The following ZNF469 variants were observed in gnomAD, a reference collection of about 807,000 sequenced individuals.
ZNF469 encodes the protein zinc finger protein 469.
In ZNF469, 1 loss-of-function variant was observed where a neutral mutation model predicts 1.0. That is an observed-to-expected ratio of 1.00 (90% CI 0.35 to 4.73). The LOEUF (loss-of-function observed/expected upper bound fraction) is 4.73, where lower values mean the gene tolerates loss of function less well. Ranked by LOEUF, ZNF469 falls within the 30% of genes most tolerant of loss-of-function variation. ZNF469 has a pLI of 0.16. For synonymous variants in ZNF469, 2,703 were observed against 2,363.4 expected (o/e 1.14, Z -4.17); for missense variants, 6,100 against 5,356.3 (o/e 1.14, Z -4.33).
upstream of ZNF469, among the ~76,000 whole-genome samples, chr16:88,382,277 T>C (rs4782511): frequency 0.49 from 74,334 of 152,204 alleles, 18,568 homozygotes; most frequent in Non-Finnish European, 0.54. Flanking sequence ...GGCAGGTTCC[T>C]TGTCTTCTTC....
chr16:88,352,476 G>A, the ZNF469 span, among the ~76,000 whole-genome samples: 1 of 152,246 alleles, frequency 6.6e-6, no homozygotes, highest in South Asian at 2.1e-4. Context: ...GCATGGTGCT[G>A]ACGGGCACGG....
rs1487533910 is a variant in ZNF469, at chr16:88,430,159, G to C, written c.2689G>C (p.Ala897Pro). ...SKAGVTPESK[A>P]PPPLPAATPD... ...GGCGGGGGTGACTCCAGAGAGCAAA[G>C]CTCCGCCCCCGCTCCCAGCAGCCAC... The change falls in exon 3 of 3, where the codon GCT becomes CCT. Residue 897 changes from alanine (A) to proline (P), a missense_variant. Physicochemically the swap from Ala to Pro is conservative, Grantham distance 27. Coordinates refer to ENST00000565624, the MANE Select transcript of ZNF469 (RefSeq NM_001367624.2). 1 of 1,549,376 alleles carries C rather than the reference G, an allele frequency of 6.5e-7. No individual in the cohort carries two copies. The highest frequency in any genetic ancestry group is 1.4e-5 in the African/African-American group (1 of 73,018).
At chr16:88,342,096 G>C in the ZNF469 span, among the ~76,000 whole-genome samples, 1 of 150,908 alleles carries the variant, frequency 6.6e-6, no homozygotes, top group African/African-American at 2.4e-5. Flanking sequence ...TGGGGACGAA[G>C]AAGGCCGGTG....
In ZNF469 at chr16:88,430,626, G is replaced by A. The variant is rs1241797678; in HGVS notation, c.3156G>A (p.Leu1052=). ...GCGCCTGGGGCAAGGAGCTCATTCTGAAGATCGTGCAGCAGAAGAACAGGC... is the reference window on the plus strand; with the variant it reads ...GCGCCTGGGGCAAGGAGCTCATTCTAAAGATCGTGCAGCAGAAGAACAGGC... The part of the protein sequence containing the change: ...RGGAWGKELI[L]KIVQQKNRRH... Residue 1052 remains leucine, a synonymous_variant, in exon 3 of 3, where the codon CTG becomes CTA. Transcript: ENST00000565624. 8.0e-6 allele frequency: 12 copies of A among 1,500,206 alleles called. No individual in the cohort carries two copies. The highest frequency in any genetic ancestry group is 1.4e-5 in the African/African-American group (1 of 69,036). The allele number at this position is 1,500,206 out of a possible 1,614,324, so 92.9% of individuals were successfully genotyped here. A position where few individuals can be genotyped will look rare whatever the true frequency, so the allele number is the denominator to read the frequency against.
chr16:88,393,120 G>A (rs539955041), intron 1 of ZNF469, among the ~76,000 whole-genome samples: 7 of 152,388 alleles, frequency 4.6e-5, no homozygotes, highest in African/African-American at 1.7e-4. Flanking sequence ...TGGGCACCAC[G>A]CGGCTGGCAG....
chr16:88,427,348 C>A lies in ZNF469; in HGVS notation c.-123C>A. 1 of 1,056,606 alleles carries A rather than the reference C, an allele frequency of 9.5e-7. No individual in the cohort carries two copies. Among genetic ancestry groups the A allele is most frequent in the Non-Finnish European group, 1.3e-6 (1 of 766,094 alleles). The allele number at this position is 1,056,606 out of a possible 1,614,324, so 65.5% of individuals were successfully genotyped here. A position where few individuals can be genotyped will look rare whatever the true frequency, so the allele number is the denominator to read the frequency against. On this transcript the variant is annotated 5_prime_UTR_variant, in exon 3 of 3. Transcript: ENST00000565624. The stretch of plus-strand genomic sequence containing the variant: ...CACCCCTGACCTTTCCTTCCAGGCT[C>A]CACTCAGGACCATGAGCGCAGGCTT...
chr16:88,402,750 A>G (rs1375152726), intron 1 of ZNF469, among the ~76,000 whole-genome samples: 1 of 152,164 alleles, frequency 6.6e-6, no homozygotes, highest in Non-Finnish European at 1.5e-5. Context: ...TCTGGACATT[A>G]TTCCTCCGGT....
chr16:88,125,789 A>G, the ZNF469 span, among the ~76,000 whole-genome samples: 2 of 152,212 alleles, frequency 1.3e-5, no homozygotes. Flanking sequence ...GTATTTTTTA[A>G]AAATTTAAAT....
the ZNF469 span, among the ~76,000 whole-genome samples, chr16:88,309,358 G>A: frequency 1.3e-5 from 2 of 152,186 alleles, no homozygotes; most frequent in African/African-American, 2.4e-5. Flanking sequence ...CACCTGACGG[G>A]GGGAGTGCCC....
the ZNF469 span, among the ~76,000 whole-genome samples, chr16:88,287,475 C>A: frequency 1.3e-5 from 2 of 152,266 alleles, no homozygotes; most frequent in African/African-American, 4.8e-5. Flanking sequence ...GGGGAGACAA[C>A]AGCTCCAAGT....
chr16:88,305,325 C>G, the ZNF469 span, among the ~76,000 whole-genome samples: 5 of 147,296 alleles, frequency 3.4e-5, no homozygotes, highest in African/African-American at 1.3e-4. Context: ...CACACACAGG[C>G]ACACACGCAC....
chr16:88,337,756 G>A, the ZNF469 span, among the ~76,000 whole-genome samples: 2 of 152,214 alleles, frequency 1.3e-5, no homozygotes. Flanking sequence ...TTTCCCTGGT[G>A]GCTGATGGTG....
the ZNF469 span, among the ~76,000 whole-genome samples, chr16:88,263,732 C>T: frequency 1.3e-5 from 2 of 152,140 alleles, no homozygotes; most frequent in Non-Finnish European, 2.9e-5. Flanking sequence ...GATGGACAGA[C>T]TTTGTGGGAA....
At chr16:88,153,567 T>C in the ZNF469 span, among the ~76,000 whole-genome samples, 1 of 152,354 alleles carries the variant, frequency 6.6e-6, no homozygotes, top group Admixed American at 6.5e-5. Context: ...AAATGGCACG[T>C]GCAGGCGAGA....
intron 1 of ZNF469, among the ~76,000 whole-genome samples, chr16:88,414,406 T>G (rs914435994): frequency 2.0e-5 from 3 of 152,196 alleles, no homozygotes; most frequent in African/African-American, 7.2e-5. Flanking sequence ...CACAGTCTCG[T>G]TACCTCCACC....
upstream of ZNF469, among the ~76,000 whole-genome samples, chr16:88,382,647 T>C (rs1275672801): frequency 6.6e-6 from 1 of 152,128 alleles, no homozygotes; most frequent in East Asian, 1.9e-4. Context: ...TGTGGGCACC[T>C]GGGGAGCTGG....
At chr16:88,322,730 A>G in the ZNF469 span, among the ~76,000 whole-genome samples, 2 of 152,294 alleles carry the variant, frequency 1.3e-5, no homozygotes, top group East Asian at 3.9e-4. Flanking sequence ...CAGGAAATGC[A>G]TGAAGGTTGC....
Position 88,437,816 on chromosome 16 carries a change from C to T in ZNF469, c.10346C>T (p.Ala3449Val). 1.3e-6 allele frequency: 2 copies of T among 1,542,924 alleles called. No homozygotes were observed. Among genetic ancestry groups the T allele is most frequent in the Non-Finnish European group, 8.8e-7 (1 of 1,141,434 alleles). The change falls in exon 3 of 3, where the codon GCG becomes GTG. Residue 3449 changes from alanine (A) to valine (V), a missense_variant. Transcript: ENST00000565624. ...KHLRGGRQPFAFRGVRRPGAP... is the reference protein window; with the variant it reads ...KHLRGGRQPFVFRGVRRPGAP... ...CTCAGGGGGGGGCGGCAGCCCTTCG[C>T]GTTCCGCGGCGTGCGGAGGCCGGGA...
At chr16:88,247,572 CTGAG>C in the ZNF469 span, among the ~76,000 whole-genome samples, 24 of 129,690 alleles carry the variant, frequency 1.9e-4, no homozygotes, top group South Asian at 2.0e-3. Context: ...GAGTGAGTGA[CTGAG>C]TGAGTGAATG....
Sources: gnomAD v4.1 joint callset for allele counts (sites outside exome capture counted in the v4.1 genomes callset) on GRCh38, gnomAD v4.1.1 for gene constraint, MANE v1.5 for transcripts, NCBI Gene and HGNC (gene_info 2026-07-23, HGNC 2026-07-21) for gene names.